GCSAML: variants seen among roughly 807,000 people sequenced by gnomAD.
GCSAML encodes the protein germinal center-associated signaling and motility-like protein.
GCSAML carries 9 observed loss-of-function variants against 13.0 expected under a neutral mutation model. That is an observed-to-expected ratio of 0.69 (90% CI 0.42 to 1.21). The LOEUF (loss-of-function observed/expected upper bound fraction) is 1.21, where lower values mean the gene tolerates loss of function less well. Among genes scored for constraint, GCSAML ranks in the 50% most tolerant of loss-of-function variants. The pLI, the probability that GCSAML is intolerant of heterozygous loss-of-function variation, is 0.00. For synonymous variants in GCSAML, 37 were observed against 52.9 expected (o/e 0.70, Z 1.31); for missense variants, 143 against 153.4 (o/e 0.93, Z 0.36).
intron 1 of GCSAML, among the ~76,000 whole-genome samples, chr1:247,516,850 C>CT (rs144300288): frequency 0.026 from 3,954 of 152,042 alleles, 176 homozygotes; most frequent in African/African-American, 0.09. Flanking sequence ...ACAGAAAATA[C>CT]TTTTTTTTCA....
intron 2 of GCSAML, chr1:247,529,142 G>A (rs1420184398): frequency 1.3e-5 from 2 of 152,190 alleles, no homozygotes; most frequent in African/African-American, 4.8e-5. Context: ...ACTCCTTTGA[G>A]CATAGAGTAA....
At chr1:247,547,540 A>G (rs1213750195), upstream of GCSAML, among the ~76,000 whole-genome samples, 1 of 152,248 alleles carries the variant, frequency 6.6e-6, no homozygotes, top group African/African-American at 2.4e-5. Flanking sequence ...GAGTAATCAG[A>G]TAAGAGAAAC....
chr1:247,536,051 G>C (rs546621609), intron 2 of GCSAML: 1 of 152,186 alleles, frequency 6.6e-6, no homozygotes, highest in Admixed American at 6.5e-5. Flanking sequence ...TCATTTAAAC[G>C]GATCAGTGCT....
chr1:247,555,743 T>A (rs974334090), intron 1 of GCSAML, among the ~76,000 whole-genome samples: 2 of 151,972 alleles, frequency 1.3e-5, no homozygotes, highest in African/African-American at 4.8e-5. Context: ...ACTGGTGGAG[T>A]AGAAAGTTTG....
intron 2 of GCSAML, chr1:247,538,733 G>A (rs574490055): frequency 7.9e-5 from 36 of 456,490 alleles, no homozygotes; most frequent in African/African-American, 5.4e-4. Flanking sequence ...TGGAAGGGAA[G>A]CGTCATCAGA....
chr1:247,567,047 A>C (rs1290450509), intron 4 of GCSAML, among the ~76,000 whole-genome samples: 1 of 151,186 alleles, frequency 6.6e-6, no homozygotes, highest in Non-Finnish European at 1.5e-5. Context: ...AATTAGTAGA[A>C]GCTTGGAGTG....
chr1:247,521,561 T>G (rs568504673), intron 1 of GCSAML, among the ~76,000 whole-genome samples: 6 of 152,316 alleles, frequency 3.9e-5, no homozygotes, highest in African/African-American at 1.4e-4. Flanking sequence ...CGTATTTTTT[T>G]GGTGGAGACG....
upstream of GCSAML, among the ~76,000 whole-genome samples, chr1:247,546,387 C>T (rs912712407): frequency 6.6e-6 from 1 of 151,984 alleles, no homozygotes. Flanking sequence ...TGAGACGAGT[C>T]TCGCTCTGTC....
Position 247,572,162 on chromosome 1 carries a change from C to T in GCSAML, c.169-1981C>T, listed in dbSNP as rs190431225. ...TGGCTTGGAACATGCTCCTTTAGAT[C>T]GGAAGAGTTTATTACCCACCTTCTG... On this transcript the variant is annotated intron_variant, in intron 4 of 4. Coordinates refer to ENST00000366488, the MANE Select transcript of GCSAML (RefSeq NM_145278.5). Among the ~76,000 whole-genome samples, 299 of 152,154 alleles carry T rather than the reference C, an allele frequency of 2.0e-3. 1 individual carries two copies. The highest frequency in any genetic ancestry group is 6.8e-3 in the African/African-American group (283 of 41,518).
chr1:247,533,471 T>C (rs1287216803), intron 2 of GCSAML: 2 of 152,202 alleles, frequency 1.3e-5, no homozygotes, highest in African/African-American at 2.4e-5. Context: ...CACCTTTCTG[T>C]GTTAAAACTA....
upstream of GCSAML, among the ~76,000 whole-genome samples, chr1:247,546,230 G>C (rs770019881): frequency 3.2e-4 from 49 of 152,124 alleles, no homozygotes; most frequent in Non-Finnish European, 5.3e-4. Context: ...AGCTATTCAC[G>C]GGCATGATCA....
At chr1:247,532,102 A>G (rs1378570052) in intron 2 of GCSAML, 2 of 1,613,996 alleles carry the variant, frequency 1.2e-6, no homozygotes, top group African/African-American at 1.3e-5. Flanking sequence ...CTGTGGATGC[A>G]TAATGACAGT....
chr1:247,522,281 T>C (rs71533502), intron 1 of GCSAML, among the ~76,000 whole-genome samples: 64,832 of 92,722 alleles, frequency 0.7, 25,055 homozygotes, highest in East Asian at 0.96. Context: ...CTAGCCGCCC[T>C]GTCCGGGAGG....
intron 2 of GCSAML, among the ~76,000 whole-genome samples, chr1:247,558,991 C>T (rs948278386): frequency 6.6e-6 from 1 of 152,086 alleles, no homozygotes; most frequent in Non-Finnish European, 1.5e-5. Flanking sequence ...AGACAAGTTA[C>T]TTACATTCTC....
At chr1:247,521,897 G>A (rs529354167) in intron 1 of GCSAML, among the ~76,000 whole-genome samples, 97 of 151,598 alleles carry the variant, frequency 6.4e-4, no homozygotes, top group African/African-American at 2.3e-3. Context: ...GAAGTGAGGA[G>A]CGCCTCTTCC....
intron 1 of GCSAML, among the ~76,000 whole-genome samples, chr1:247,513,188 T>C (rs1476012530): frequency 6.6e-6 from 1 of 152,210 alleles, no homozygotes; most frequent in African/African-American, 2.4e-5. Context: ...CTGTTGCCTT[T>C]CTTTCAGAGA....
intron 4 of GCSAML, among the ~76,000 whole-genome samples, chr1:247,567,351 G>A (rs548153538): frequency 2.0e-5 from 3 of 151,782 alleles, no homozygotes; most frequent in Admixed American, 6.6e-5. Context: ...CAACAGGCCC[G>A]GGTGTGTGAT....
chr1:247,572,368 C>T (rs1668647666), intron 4 of GCSAML, among the ~76,000 whole-genome samples: 1 of 151,982 alleles, frequency 6.6e-6, no homozygotes, highest in African/African-American at 2.4e-5. Flanking sequence ...CTCTTGGTGA[C>T]CTTTGTATGG....
chr1:247,540,068 G>GTCTC (rs145570712), intron 2 of GCSAML, among the ~76,000 whole-genome samples: 2 of 151,310 alleles, frequency 1.3e-5, no homozygotes, highest in African/African-American at 4.8e-5. Flanking sequence ...GCCTAGAATA[G>GTCTC]TCTCTCTCTC....
Sources: allele counts gnomAD v4.1 joint callset (sites outside exome capture counted in the v4.1 genomes callset), GRCh38; gene constraint gnomAD v4.1.1; transcripts MANE v1.5; gene names NCBI Gene and HGNC (gene_info 2026-07-23, HGNC 2026-07-21).